The following PLCB1 variants were observed in gnomAD, a reference collection of about 807,000 sequenced individuals.
PLCB1 encodes 1-phosphatidylinositol 4,5-bisphosphate phosphodiesterase beta-1.
A neutral mutation model predicts 161.8 loss-of-function variants in PLCB1; 46 were observed. The ratio of observed to expected loss-of-function variants is 0.28; its 90% confidence interval spans 0.22 to 0.36. PLCB1 has a LOEUF of 0.36. Ranked by LOEUF, PLCB1 falls within the 10% of genes least tolerant of loss-of-function variation. The pLI, the probability that PLCB1 is intolerant of heterozygous loss-of-function variation, is 1.00. For missense variants in PLCB1, 1,016 were observed against 1,472.5 expected (o/e 0.69, Z 5.07); for synonymous variants, 517 against 503.7 (o/e 1.03, Z -0.35).
At chr20:8,636,788 C>T (rs992698422) in intron 4 of PLCB1, among the ~76,000 whole-genome samples, 6 of 152,146 alleles carry the variant, frequency 3.9e-5, no homozygotes, top group Non-Finnish European at 8.8e-5. Flanking sequence ...AACGCTGAGA[C>T]ATAGAAATGA....
chr20:8,463,591 T>C (rs1053967819), intron 3 of PLCB1, among the ~76,000 whole-genome samples: 7 of 152,182 alleles, frequency 4.6e-5, no homozygotes, highest in African/African-American at 1.4e-4. Flanking sequence ...TACAGCCATT[T>C]TTCACTGCTC....
intron 3 of PLCB1, among the ~76,000 whole-genome samples, chr20:8,497,763 T>C (rs1983237603): frequency 6.6e-6 from 1 of 152,208 alleles, no homozygotes; most frequent in Admixed American, 6.5e-5. Flanking sequence ...GAATATGTTT[T>C]GAATAAATAA....
At chr20:8,300,856 T>A (rs923854289) in intron 2 of PLCB1, among the ~76,000 whole-genome samples, 3 of 152,098 alleles carry the variant, frequency 2.0e-5, no homozygotes, top group Admixed American at 6.6e-5. Flanking sequence ...AGATGATATA[T>A]CCTCACTATA....
At chr20:8,363,474 A>G (rs1022626827) in intron 2 of PLCB1, among the ~76,000 whole-genome samples, 2 of 152,138 alleles carry the variant, frequency 1.3e-5, no homozygotes, top group African/African-American at 4.8e-5. Flanking sequence ...TGCTGCTTCA[A>G]GTCTCTTGCT....
intron 31 of PLCB1, among the ~76,000 whole-genome samples, chr20:8,805,797 G>T (rs1378830453): frequency 6.6e-6 from 1 of 152,208 alleles, no homozygotes; most frequent in Non-Finnish European, 1.5e-5. Flanking sequence ...TGATCTAGAT[G>T]TCAAAGTAGG....
chr20:8,445,917 A>G (rs1299603688), intron 3 of PLCB1, among the ~76,000 whole-genome samples: 1 of 152,208 alleles, frequency 6.6e-6, no homozygotes, highest in African/African-American at 2.4e-5. Context: ...GACTTTGCTG[A>G]AGTTGCTTAC....
intron 2 of PLCB1, among the ~76,000 whole-genome samples, chr20:8,303,554 A>G (rs1473503561): frequency 6.6e-6 from 1 of 152,224 alleles, no homozygotes; most frequent in South Asian, 2.1e-4. Flanking sequence ...CTTTAATAAA[A>G]GGATTACAGA....
intron 2 of PLCB1, among the ~76,000 whole-genome samples, chr20:8,246,232 A>T (rs957543932): frequency 6.6e-6 from 1 of 151,946 alleles, no homozygotes; most frequent in Non-Finnish European, 1.5e-5. Context: ...GGCTCTGATT[A>T]TGTGATCATC....
chr20:8,563,377 A>T (rs1429621030), intron 3 of PLCB1, among the ~76,000 whole-genome samples: 5 of 152,046 alleles, frequency 3.3e-5, no homozygotes, highest in African/African-American at 7.2e-5. Flanking sequence ...CAGCAGGAAG[A>T]TTCAAGACCC....
At position 8,877,251 on chromosome 20, in the gene PLCB1, TG is replaced by T. The variant is rs775852612; in HGVS notation, c.3424-4367del. Among the ~76,000 whole-genome samples, 4 of 152,292 alleles carry T rather than the reference TG, an allele frequency of 2.6e-5. No homozygotes were observed. In the South Asian group the frequency reaches 6.2e-4, roughly 24 times the overall value. ...GGAGGACCATCTAAGCCTAGGATTA[TG>T]GGGAAGGAAAATTAGGAAGAATCTA... On this transcript the variant is annotated intron_variant, in intron 31 of 31. Transcript: ENST00000338037.
chr20:8,451,671 G>A (rs1380225936), intron 3 of PLCB1, among the ~76,000 whole-genome samples: 3 of 152,090 alleles, frequency 2.0e-5, no homozygotes, highest in African/African-American at 7.2e-5. Flanking sequence ...CTTCAGGTAA[G>A]TATTTTAAAC....
rs555894696 is a variant in PLCB1 at position 8,383,961 on chromosome 20, C to T, written c.246+12511C>T. On this transcript the variant is annotated intron_variant, in intron 3 of 31. Transcript: ENST00000338037. ...CTCTGGCTGCTCTTAACATTTTTTC[C>T]TACATTTTGACCTTGAAGAATCTGA... 3.3e-5 allele frequency among the ~76,000 whole-genome samples: 5 copies of T among 152,168 alleles called. No individual in the cohort carries two copies. In the South Asian group the frequency reaches 1.0e-3, roughly 32 times the overall value.
At chr20:8,706,548 A>C (rs974527425) in intron 11 of PLCB1, among the ~76,000 whole-genome samples, 12 of 152,198 alleles carry the variant, frequency 7.9e-5, no homozygotes, top group African/African-American at 2.9e-4. Flanking sequence ...TACCTGATAC[A>C]CTAGTGCCAA....
At position 8,308,189 on chromosome 20, in the gene PLCB1, C is replaced by G. The variant is rs1008427983; in HGVS notation, c.178-63193C>G. On this transcript the variant is annotated intron_variant, in intron 2 of 31. Coordinates refer to ENST00000338037, the MANE Select transcript of PLCB1 (RefSeq NM_015192.4). ...GAGATAGGAAGACCTTATTCTAATT[C>G]TTTCTGAGCAAAATACTTGCCCTTA... Among the ~76,000 whole-genome samples the G allele has an allele frequency of 2.0e-5, 3 of 152,004 alleles. 1 individual carries two copies. Among genetic ancestry groups the G allele is most frequent in the Non-Finnish European group, 4.4e-5 (3 of 67,906 alleles).
chr20:8,751,916 A>G (rs1453195938), intron 23 of PLCB1: 1 of 152,192 alleles, frequency 6.6e-6, no homozygotes, highest in African/African-American at 2.4e-5. Flanking sequence ...ACTTCTGCTG[A>G]TTCTCTTGAG....
At chr20:8,240,740 C>T (rs1185462340) in intron 2 of PLCB1, among the ~76,000 whole-genome samples, 1 of 151,860 alleles carries the variant, frequency 6.6e-6, no homozygotes, top group East Asian at 1.9e-4. Context: ...TATAGCTTGC[C>T]AGATAGCATA....
chr20:8,678,477 G>T (rs956340659), intron 9 of PLCB1, among the ~76,000 whole-genome samples: 1 of 152,336 alleles, frequency 6.6e-6, no homozygotes, highest in South Asian at 2.1e-4. Flanking sequence ...TAAGTAAGGA[G>T]ACATGAGGAA....
chr20:8,443,779 A>G (rs966025663), intron 3 of PLCB1, among the ~76,000 whole-genome samples: 1 of 152,180 alleles, frequency 6.6e-6, no homozygotes. Context: ...ACAGCTCCCA[A>G]CAGGCAACCT....
intron 2 of PLCB1, among the ~76,000 whole-genome samples, chr20:8,252,241 TGCA>T (rs1352215633): frequency 6.6e-6 from 1 of 151,940 alleles, no homozygotes; most frequent in Non-Finnish European, 1.5e-5. Flanking sequence ...GGCATTGCTT[TGCA>T]TCAGGCACCT....
Sources: allele counts gnomAD v4.1 joint callset (sites outside exome capture counted in the v4.1 genomes callset), GRCh38; gene constraint gnomAD v4.1.1; transcripts MANE v1.5; gene names NCBI Gene and HGNC (gene_info 2026-07-23, HGNC 2026-07-21).